Variants in MAST4 observed in about 807,000 individuals in gnomAD.
MAST4 encodes microtubule-associated serine/threonine-protein kinase 4.
A neutral mutation model predicts 162.7 loss-of-function variants in MAST4; 89 were observed. The ratio of observed to expected loss-of-function variants is 0.55; its 90% CI spans 0.46 to 0.65. MAST4 has a LOEUF of 0.65. MAST4 is among the 30% of genes least tolerant of loss of function. MAST4 has a pLI of 0.00. For synonymous variants in MAST4, 1,479 were observed against 1,361.1 expected (o/e 1.09, Z -1.91); for missense variants, 3,153 against 3,374.0 (o/e 0.93, Z 1.62).
intron 1 of MAST4, 23 bp from the exon 2 acceptor site, chr5:66,759,686 T>A: frequency 6.2e-7 from 1 of 1,613,192 alleles, no homozygotes; most frequent in Non-Finnish European, 8.5e-7. Context: ...TAGCCAGTGA[T>A]GCCATTCTTC....
At chr5:66,974,346 C>T (rs773307660) in intron 4 of MAST4, among the ~76,000 whole-genome samples, 23 of 152,170 alleles carry the variant, frequency 1.5e-4, no homozygotes, top group African/African-American at 3.9e-4. Context: ...AATGAATGAA[C>T]GAATTCATCC....
At chr5:67,095,365 C>T (rs1177574264) in intron 6 of MAST4, among the ~76,000 whole-genome samples, 2 of 152,100 alleles carry the variant, frequency 1.3e-5, no homozygotes, top group East Asian at 3.9e-4. Flanking sequence ...AGTGAGACAT[C>T]AATAATATGG....
chr5:66,650,945 C>A (rs1746175908), intron 1 of MAST4, among the ~76,000 whole-genome samples: 1 of 152,328 alleles, frequency 6.6e-6, no homozygotes, highest in Middle Eastern at 3.4e-3. Context: ...CAAGCACGCT[C>A]TGACTCTAGG....
chr5:66,821,212 A>C (rs1241601555), intron 3 of MAST4, among the ~76,000 whole-genome samples: 1 of 152,238 alleles, frequency 6.6e-6, no homozygotes, highest in Non-Finnish European at 1.5e-5. Flanking sequence ...AAAAATTCCT[A>C]CTTTCCCTGG....
At chr5:67,084,440 G>A (rs1036689341) in intron 5 of MAST4, among the ~76,000 whole-genome samples, 2 of 152,244 alleles carry the variant, frequency 1.3e-5, no homozygotes, top group Admixed American at 6.5e-5. Flanking sequence ...TCTTTACATT[G>A]TGTTCACCTA....
Position 67,159,775 on chromosome 5 carries a change from G to A in MAST4, c.3649-681G>A, listed in dbSNP as rs543482384. ...TCCCAGGATTGAGAGAAAGGACACC[G>A]AAACTCACAGAAATTACCTTACCCT... On this transcript the variant is annotated intron_variant, in intron 26 of 28. Coordinates refer to ENST00000403625, the MANE Select transcript of MAST4 (RefSeq NM_001164664.2). Among the ~76,000 whole-genome samples, 5 of 152,290 alleles carry A rather than the reference G, an allele frequency of 3.3e-5. No individual in the cohort carries two copies. In the East Asian group the frequency reaches 5.8e-4, roughly 18 times the overall value.
intron 4 of MAST4, among the ~76,000 whole-genome samples, chr5:66,912,008 T>C (rs888527585): frequency 3.9e-5 from 6 of 152,152 alleles, no homozygotes; most frequent in African/African-American, 1.2e-4. Flanking sequence ...TTATTGTTAT[T>C]GGGGGTGGTG....
intron 1 of MAST4, among the ~76,000 whole-genome samples, chr5:66,658,225 A>G (rs1311771625): frequency 6.6e-6 from 1 of 152,246 alleles, no homozygotes; most frequent in African/African-American, 2.4e-5. Context: ...ATAAAAATAT[A>G]TAGGTTACAT....
chr5:66,797,513 A>G (rs1006387447), intron 3 of MAST4, among the ~76,000 whole-genome samples: 1 of 152,204 alleles, frequency 6.6e-6, no homozygotes, highest in Non-Finnish European at 1.5e-5. Context: ...CTTATTGATC[A>G]GTTAATTGGC....
chr5:67,008,968 G>T (rs1049573171), intron 4 of MAST4, among the ~76,000 whole-genome samples: 5 of 152,168 alleles, frequency 3.3e-5, no homozygotes, highest in Non-Finnish European at 7.3e-5. Context: ...GAACTATAGA[G>T]AATCCTCTTC....
At chr5:66,727,375 A>G (rs914586779) in intron 1 of MAST4, among the ~76,000 whole-genome samples, 3 of 152,136 alleles carry the variant, frequency 2.0e-5, no homozygotes, top group African/African-American at 7.2e-5. Flanking sequence ...TGATTCCACT[A>G]ATGGGTCAAG....
At chr5:66,757,551 C>T (rs1028164395) in intron 1 of MAST4, among the ~76,000 whole-genome samples, 1 of 152,058 alleles carries the variant, frequency 6.6e-6, no homozygotes, top group Non-Finnish European at 1.5e-5. Flanking sequence ...ATTTGAGACA[C>T]CTTATAAGAC....
rs1187239735 is a variant in MAST4 at position 67,130,234 on chromosome 5, A to G, written c.1770A>G (p.Lys590=). The G allele has an allele frequency of 6.2e-7, 1 of 1,613,250 alleles. No individual in the cohort carries two copies. The highest frequency in any genetic ancestry group is 1.1e-5 in the South Asian group (1 of 91,026). Residue 590 remains lysine, a synonymous_variant, in exon 15 of 29, where the codon AAA becomes AAG. Transcript: ENST00000403625. ...GGGCAGTCTACTTTGTTCGGCATAA[A>G]GAATCCCGGCAGAGGTTTGCCATGA... ...AYGAVYFVRH[K]ESRQRFAMKK...
In MAST4 at chr5:67,133,501, G is replaced by T. The variant is rs2371882; in HGVS notation, c.2094-13G>T. On this transcript the variant is annotated splice_polypyrimidine_tract_variant and intron_variant, in intron 16 of 28. Transcript: ENST00000403625. ...AAAGTGATTATTGTGTTACATGTCC[G>T]TCTGCCTCATAGCTTGTTGGTTACC... The T allele has an allele frequency of 1, 1,612,074 of 1,612,206 alleles. 805,972 individuals carry two copies. The highest frequency in any genetic ancestry group is 1 in the Non-Finnish European group (1,178,708 of 1,178,724).
intron 21 of MAST4, among the ~76,000 whole-genome samples, chr5:67,143,413 A>T (rs1050808129): frequency 2.6e-5 from 4 of 151,978 alleles, no homozygotes; most frequent in African/African-American, 9.7e-5. Context: ...AGTAAAAGTT[A>T]AAAAAAACAA....
At chr5:67,105,153 G>A (rs1765456678) in intron 10 of MAST4, among the ~76,000 whole-genome samples, 1 of 152,164 alleles carries the variant, frequency 6.6e-6, no homozygotes, top group Non-Finnish European at 1.5e-5. Flanking sequence ...CCCAGGACAG[G>A]AAGAGAGTCT....
intron 4 of MAST4, among the ~76,000 whole-genome samples, chr5:67,049,861 T>C (rs1676438108): frequency 6.6e-6 from 1 of 152,174 alleles, no homozygotes; most frequent in Non-Finnish European, 1.5e-5. Context: ...CTCAGAGTAA[T>C]TGGAAAAGGC....
intron 4 of MAST4, among the ~76,000 whole-genome samples, chr5:66,969,554 A>G (rs1342258507): frequency 6.6e-6 from 1 of 152,324 alleles, no homozygotes; most frequent in East Asian, 1.9e-4. Context: ...CAGGGAGGGC[A>G]TCCAGCGTAA....
chr5:67,071,177 C>T (rs1001570800), intron 5 of MAST4, among the ~76,000 whole-genome samples: 2 of 152,158 alleles, frequency 1.3e-5, no homozygotes, highest in African/African-American at 4.8e-5. Context: ...AAACTCTGCT[C>T]TAGAAATAGT....
Sources: allele counts gnomAD v4.1 joint callset (sites outside exome capture counted in the v4.1 genomes callset), GRCh38; gene constraint gnomAD v4.1.1; transcripts MANE v1.5; gene names NCBI Gene and HGNC (gene_info 2026-07-23, HGNC 2026-07-21).